The following PLSCR2 variants were observed in gnomAD, a reference collection of about 807,000 sequenced individuals.
PLSCR2 encodes the protein phospholipid scramblase 2.
In PLSCR2, 18 loss-of-function variants were observed where a neutral mutation model predicts 25.3. That is an observed-to-expected ratio of 0.71 (90% CI 0.49 to 1.06). The LOEUF (loss-of-function observed/expected upper bound fraction) is 1.06, where lower values mean the gene tolerates loss of function less well. PLSCR2 is among the 50% of genes least tolerant of loss of function. The pLI is 0.00. For synonymous variants in PLSCR2, 88 were observed against 87.3 expected (o/e 1.01, Z -0.04); for missense variants, 243 against 269.5 (o/e 0.90, Z 0.69).
At chr3:146,455,389 T>A in exon 4 of PLSCR2, 1 of 1,613,766 alleles carries the variant, frequency 6.2e-7, no homozygotes, top group East Asian at 2.2e-5. Context: ...TATCTTCTGC[T>A]GCAAAATAAA....
intron 8 of PLSCR2, among the ~76,000 whole-genome samples, chr3:146,435,097 G>T (rs1306965516): frequency 1.3e-5 from 2 of 152,012 alleles, no homozygotes; most frequent in Admixed American, 6.6e-5. Flanking sequence ...CAAAGGACAT[G>T]AACTCATCAT....
chr3:146,431,518 G>A (rs191282882), downstream of PLSCR2, among the ~76,000 whole-genome samples: 5 of 152,272 alleles, frequency 3.3e-5, no homozygotes, highest in East Asian at 9.7e-4. Flanking sequence ...ACATTGAGTT[G>A]GAGTGTGCCT....
intron 6 of PLSCR2, among the ~76,000 whole-genome samples, chr3:146,446,928 G>A (rs2040587521): frequency 6.6e-6 from 1 of 152,022 alleles, no homozygotes; most frequent in Admixed American, 6.6e-5. Context: ...TTTCTCATTG[G>A]CCACCACCAC....
chr3:146,447,552 AG>A lies in PLSCR2; in HGVS notation c.645+1653del, dbSNP rs561751293. ...TCTGTTTAGTGTCCTATTCTACTGT[AG>A]GGGGGTGGTATACAAGTTGCAAGAA... On this transcript the variant is annotated intron_variant, in intron 6 of 6. Transcript: ENST00000610787. Among the ~76,000 whole-genome samples, 553 of 152,186 alleles carry A rather than the reference AG, an allele frequency of 3.6e-3. 3 individuals are homozygous for A. The highest frequency in any genetic ancestry group is 3.5e-3 in the Non-Finnish European group (237 of 67,992).
intron 3 of PLSCR2, among the ~76,000 whole-genome samples, chr3:146,456,941 T>A (rs1003348618): frequency 1.3e-5 from 2 of 152,080 alleles, no homozygotes; most frequent in Admixed American, 6.5e-5. Flanking sequence ...TGTTGTATAA[T>A]GTATAGTGTC....
intron 2 of PLSCR2, among the ~76,000 whole-genome samples, chr3:146,406,606 C>G (rs1428210357): frequency 1.3e-5 from 2 of 152,134 alleles, no homozygotes; most frequent in African/African-American, 2.4e-5. Flanking sequence ...AAGAATTAAT[C>G]TAATGGCTTC....
chr3:146,413,051 A>G (rs1245320819), intron 2 of PLSCR2, among the ~76,000 whole-genome samples: 2 of 152,208 alleles, frequency 1.3e-5, no homozygotes, highest in African/African-American at 4.8e-5. Context: ...TGAACATACT[A>G]ACATACTGAT....
chr3:146,488,197 T>G (rs2043415281), intron 1 of PLSCR2, among the ~76,000 whole-genome samples: 1 of 152,108 alleles, frequency 6.6e-6, no homozygotes, highest in Admixed American at 6.6e-5. Flanking sequence ...GATTAAAGAC[T>G]TAAATGTAAA....
chr3:146,470,464 C>T (rs932775285), intron 1 of PLSCR2, among the ~76,000 whole-genome samples: 1 of 152,086 alleles, frequency 6.6e-6, no homozygotes, highest in Admixed American at 6.6e-5. Context: ...AGAAAAATCG[C>T]TTGAACCCGG....
chr3:146,401,838 A>G (rs971681052), intron 2 of PLSCR2, among the ~76,000 whole-genome samples: 2 of 151,796 alleles, frequency 1.3e-5, no homozygotes, highest in Non-Finnish European at 1.5e-5. Context: ...TTATGTTTTA[A>G]GTTATGTTAA....
At chr3:146,459,622 A>C (rs1016452349) in intron 2 of PLSCR2, among the ~76,000 whole-genome samples, 1 of 152,222 alleles carries the variant, frequency 6.6e-6, no homozygotes, top group African/African-American at 2.4e-5. Flanking sequence ...ATTATATAAA[A>C]GATCATAGAA....
chr3:146,421,519 C>G (rs2039149967), intron 2 of PLSCR2, among the ~76,000 whole-genome samples: 1 of 151,992 alleles, frequency 6.6e-6, no homozygotes. Context: ...ACATTTGAAA[C>G]AGAATAGTTT....
intron 3 of PLSCR2, among the ~76,000 whole-genome samples, chr3:146,394,472 G>C (rs1164397850): frequency 6.6e-6 from 1 of 151,956 alleles, no homozygotes; most frequent in African/African-American, 2.4e-5. Context: ...CTCCATGTTG[G>C]TCAAGCTGGT....
chr3:146,467,812 T>C (rs993028160), intron 1 of PLSCR2, among the ~76,000 whole-genome samples: 1 of 151,954 alleles, frequency 6.6e-6, no homozygotes, highest in African/African-American at 2.4e-5. Flanking sequence ...TAGGGATGTA[T>C]GAGGGGCGTG....
chr3:146,451,802 G>C (rs766910000), intron 5 of PLSCR2, among the ~76,000 whole-genome samples: 5 of 152,130 alleles, frequency 3.3e-5, no homozygotes, highest in Non-Finnish European at 5.9e-5. Context: ...TAAACAACAG[G>C]TTCAAAGGCT....
chr3:146,429,729 C>T (rs577599568), downstream of PLSCR2, among the ~76,000 whole-genome samples: 87 of 152,106 alleles, frequency 5.7e-4, no homozygotes, highest in South Asian at 1.0e-3. Context: ...GGGTTCATGC[C>T]ATTCTCCTGC....
intron 5 of PLSCR2, among the ~76,000 whole-genome samples, chr3:146,450,629 T>A (rs927865551): frequency 2.0e-5 from 3 of 152,220 alleles, no homozygotes; most frequent in Admixed American, 1.3e-4. Flanking sequence ...TAGAAAAGCA[T>A]CGTCTAGGTA....
At chr3:146,402,439 G>A (rs896257197) in intron 2 of PLSCR2, among the ~76,000 whole-genome samples, 2 of 151,926 alleles carry the variant, frequency 1.3e-5, no homozygotes, top group African/African-American at 4.8e-5. Flanking sequence ...ATGAGTACAT[G>A]TTAGTCTAAC....
chr3:146,454,906 A>G (rs2041109968), intron 4 of PLSCR2, among the ~76,000 whole-genome samples: 1 of 152,112 alleles, frequency 6.6e-6, no homozygotes, highest in African/African-American at 2.4e-5. Context: ...GATATTTTCA[A>G]TGGTGCAACT....
Sources: allele counts gnomAD v4.1 joint callset (sites outside exome capture counted in the v4.1 genomes callset), GRCh38; gene constraint gnomAD v4.1.1; transcripts MANE v1.5; gene names NCBI Gene and HGNC (gene_info 2026-07-23, HGNC 2026-07-21).